The following OR51B5 variants were observed in gnomAD, a reference collection of about 807,000 sequenced individuals.
The protein encoded by OR51B5 is olfactory receptor 51B5.
For synonymous variants in OR51B5, 186 were observed against 144.8 expected (o/e 1.28, Z -2.04); for missense variants, 456 against 374.6 (o/e 1.22, Z -1.79).
chr11:5,448,826 A>G (rs1235510083), intron 1 of OR51B5, among the ~76,000 whole-genome samples: 3 of 152,246 alleles, frequency 2.0e-5, no homozygotes, highest in South Asian at 2.1e-4. Flanking sequence ...TGAATGCTGG[A>G]AAGTTTGACT....
At chr11:5,474,379 A>T (rs1178045981) in intron 1 of OR51B5, among the ~76,000 whole-genome samples, 1 of 152,184 alleles carries the variant, frequency 6.6e-6, no homozygotes, top group African/African-American at 2.4e-5. Context: ...AAGGCGAACA[A>T]CACAAGAGAC....
At chr11:5,418,588 T>A (rs1404060960) in intron 1 of OR51B5, among the ~76,000 whole-genome samples, 2 of 151,996 alleles carry the variant, frequency 1.3e-5, no homozygotes, top group Admixed American at 1.3e-4. Context: ...GGGACATGCA[T>A]GAAGCTGGAA....
At chr11:5,419,903 TATG>T (rs956538949) in intron 1 of OR51B5, among the ~76,000 whole-genome samples, 2 of 151,944 alleles carry the variant, frequency 1.3e-5, no homozygotes, top group African/African-American at 4.8e-5. Context: ...TCTATTGTAA[TATG>T]ATTACAATAG....
intron 1 of OR51B5, among the ~76,000 whole-genome samples, chr11:5,493,527 G>A (rs1851606916): frequency 6.6e-6 from 1 of 152,126 alleles, no homozygotes; most frequent in South Asian, 2.1e-4. Flanking sequence ...AACAGTTTGA[G>A]TCTAGGTCGG....
intron 1 of OR51B5, chr11:5,403,668 G>A: frequency 2.7e-6 from 1 of 375,576 alleles, no homozygotes; most frequent in East Asian, 7.3e-5. Context: ...CTAACAGGAA[G>A]TTCTCTATAG....
At chr11:5,386,067 G>A (rs11037145) in intron 1 of OR51B5, among the ~76,000 whole-genome samples, 27,512 of 151,946 alleles carry the variant, frequency 0.18, 2,646 homozygotes, top group African/African-American at 0.26. Context: ...TAATGCTACA[G>A]AAGGAAGTCA....
intron 1 of OR51B5, among the ~76,000 whole-genome samples, chr11:5,478,315 G>A (rs763326614): frequency 0.022 from 3,352 of 151,382 alleles, 70 homozygotes; most frequent in Non-Finnish European, 0.034. Context: ...CTGTTAGAAG[G>A]AAAACTAACA....
chr11:5,485,542 G>C (rs1306916708), intron 1 of OR51B5, among the ~76,000 whole-genome samples: 2 of 152,140 alleles, frequency 1.3e-5, no homozygotes, highest in Non-Finnish European at 2.9e-5. Flanking sequence ...CCAACTCAGA[G>C]TGAAAGTCAA....
chr11:5,352,530 C>A, intron 1 of OR51B5: 1 of 805,334 alleles, frequency 1.2e-6, no homozygotes, highest in South Asian at 1.7e-5. Context: ...TAGGGAAAGT[C>A]ATTTCAATGA....
intron 1 of OR51B5, among the ~76,000 whole-genome samples, chr11:5,483,507 T>TAAAAAA (rs1851456282): frequency 1.3e-5 from 1 of 76,616 alleles, no homozygotes; most frequent in Non-Finnish European, 2.5e-5. Context: ...TAAAGTATAA[T>TAAAAAA]TAAAAAAAAA....
intron 1 of OR51B5, among the ~76,000 whole-genome samples, chr11:5,436,340 T>G (rs1323121781): frequency 6.6e-6 from 1 of 152,230 alleles, no homozygotes; most frequent in Non-Finnish European, 1.5e-5. Flanking sequence ...AAGCAAAGAC[T>G]GGATAACTCT....
intron 1 of OR51B5, among the ~76,000 whole-genome samples, chr11:5,474,577 C>T (rs2133803475): frequency 6.6e-6 from 1 of 152,226 alleles, no homozygotes; most frequent in South Asian, 2.1e-4. Flanking sequence ...TAAGCCTTTT[C>T]CTCTTGTTTG....
intron 1 of OR51B5, among the ~76,000 whole-genome samples, chr11:5,419,950 G>A (rs1554889782): frequency 6.6e-6 from 1 of 151,038 alleles, no homozygotes; most frequent in Non-Finnish European, 1.5e-5. Flanking sequence ...TATAATTAGA[G>A]CTTATGTTTC....
chr11:5,480,342 G>A (rs1371165258), intron 1 of OR51B5, among the ~76,000 whole-genome samples: 1 of 151,620 alleles, frequency 6.6e-6, no homozygotes, highest in Non-Finnish European at 1.5e-5. Flanking sequence ...AGAATCTCTG[G>A]GACGCATTCA....
chr11:5,496,516 A>G (rs1193119156), intron 1 of OR51B5, among the ~76,000 whole-genome samples: 1 of 151,992 alleles, frequency 6.6e-6, no homozygotes, highest in South Asian at 2.1e-4. Flanking sequence ...ATGGCTTTGT[A>G]TTACCTCTTC....
intron 1 of OR51B5, among the ~76,000 whole-genome samples, chr11:5,460,492 T>C (rs1191955874): frequency 6.6e-6 from 1 of 152,248 alleles, no homozygotes; most frequent in African/African-American, 2.4e-5. Context: ...TCGAGTCATT[T>C]TACTGCTTTC....
At chr11:5,342,266 G>GCTAA (rs200381994), downstream of OR51B5, among the ~76,000 whole-genome samples, 501 of 152,210 alleles carry the variant, frequency 3.3e-3, no homozygotes, top group African/African-American at 0.011. Flanking sequence ...GTTCCTATCT[G>GCTAA]CTAACTTTAT....
chr11:5,466,468 T>C (rs989314389), intron 1 of OR51B5, among the ~76,000 whole-genome samples: 7 of 152,208 alleles, frequency 4.6e-5, no homozygotes, highest in Admixed American at 4.6e-4. Context: ...GTCAGTAATG[T>C]GGTTTCTGAT....
intron 1 of OR51B5, among the ~76,000 whole-genome samples, chr11:5,375,730 G>C (rs1849516320): frequency 1.3e-5 from 2 of 151,946 alleles, no homozygotes; most frequent in African/African-American, 4.8e-5. Flanking sequence ...TTACATAATG[G>C]TAAAGGGATC....
Sources: gnomAD v4.1 joint callset for allele counts (sites outside exome capture counted in the v4.1 genomes callset) on GRCh38, gnomAD v4.1.1 for gene constraint, MANE v1.5 for transcripts, NCBI Gene and HGNC (gene_info 2026-07-23, HGNC 2026-07-21) for gene names.